RPE65: variants seen among roughly 807,000 people sequenced by gnomAD.
The protein encoded by RPE65 is retinoid isomerohydrolase.
Under a neutral mutation model 68.5 loss-of-function variants are expected in RPE65, and 58 were observed. The ratio of observed to expected loss-of-function variants is 0.85; its 90% confidence interval spans 0.69 to 1.05. The LOEUF (loss-of-function observed/expected upper bound fraction) is 1.05, where lower values mean the gene tolerates loss of function less well. Among genes scored for constraint, RPE65 ranks in the 50% least tolerant of loss-of-function variants. The probability of loss-of-function intolerance (pLI) is 0.00; values close to 1 mark genes in which losing one functional copy is unlikely to be tolerated. For missense variants in RPE65, 643 were observed against 629.9 expected (o/e 1.02, Z -0.22); for synonymous variants, 220 against 222.2 (o/e 0.99, Z 0.09).
rs1309759632 is a variant in RPE65 at position 68,444,863 on chromosome 1, T to A, written c.266A>T (p.Tyr89Phe). 3.1e-6 allele frequency: 5 copies of A among 1,614,114 alleles called. No individual in the cohort carries two copies. Among genetic ancestry groups the A allele is most frequent in the Admixed American group, 3.3e-5 (2 of 60,016 alleles). ...YHRRFIRTDAYVRAMTEKRIV... is the reference protein window; with the variant it reads ...YHRRFIRTDAFVRAMTEKRIV... ...CCTTTTCTCAGTCATTGCCCGTACG[T>A]AAGCATCAGTGCGGATGAACCTGAA... The change falls in exon 4 of 14, where the codon TAC (tyrosine) becomes TTC (phenylalanine). Residue 89 changes from tyrosine to phenylalanine, a missense_variant. Tyr to Phe is a conservative substitution (Grantham distance 22). Transcript: ENST00000262340.
At position 68,431,589 on chromosome 1, in the gene RPE65, G is replaced by C. The variant is rs746172764; in HGVS notation, c.1129-4C>G. The C allele has an allele frequency of 6.2e-7, 1 of 1,611,854 alleles. No individual in the cohort carries two copies. Among genetic ancestry groups the C allele is most frequent in the Admixed American group, 1.7e-5 (1 of 59,914 alleles). ...CTAAATTCTTGCCTGTGTCAGCCTA[G>C]GAGAGAAGATAACAGAAACCTCAGT... On this transcript the variant is annotated splice_polypyrimidine_tract_variant and splice_region_variant and intron_variant, in intron 10 of 13. Coordinates refer to ENST00000262340, the MANE Select transcript of RPE65 (RefSeq NM_000329.3).
At chr1:68,441,172 AG>A (rs1645900027) in intron 5 of RPE65, among the ~76,000 whole-genome samples, 172 bp from the exon 6 acceptor site, 1 of 152,122 alleles carries the variant, frequency 6.6e-6, no homozygotes, top group South Asian at 2.1e-4. Context: ...ACCTTCATGC[AG>A]AACATAATGC....
chr1:68,429,667 A>T lies in RPE65; in HGVS notation c.*109T>A. On this transcript the variant is annotated 3_prime_UTR_variant, in exon 14 of 14. Coordinates refer to ENST00000262340, the MANE Select transcript of RPE65 (RefSeq NM_000329.3). Reference sequence around the variant, plus strand: ...ACATTGCAAAATTGTGCGCATCTGCAAGTTAAAACCATGACATATAGCAGG... The same window carrying T: ...ACATTGCAAAATTGTGCGCATCTGCTAGTTAAAACCATGACATATAGCAGG... 7.3e-7 allele frequency: 1 copy of T among 1,370,832 alleles called. No homozygotes were observed. 84.9% of individuals were successfully genotyped at this position (1,370,832 alleles called of 1,614,324 possible).
At position 68,429,621 on chromosome 1, in the gene RPE65, C is replaced by G; in HGVS notation, c.*155G>C. On this transcript the variant is annotated 3_prime_UTR_variant, in exon 14 of 14. Transcript: ENST00000262340. ...TTTTTAAATAAAGGAATTGCTTGCTCAACTCAGTGCTTTCTGTAAAACATT... is the reference window on the plus strand; with the variant it reads ...TTTTTAAATAAAGGAATTGCTTGCTGAACTCAGTGCTTTCTGTAAAACATT... 1.3e-6 allele frequency: 1 copy of G among 783,262 alleles called. No homozygotes were observed. The highest frequency in any genetic ancestry group is 2.1e-6 in the Non-Finnish European group (1 of 480,874). 48.5% of individuals were successfully genotyped at this position (783,262 alleles called of 1,614,324 possible).
At chr1:68,448,739 T>C in intron 1 of RPE65, 33 bp from the exon 2 acceptor site, 1 of 1,592,698 alleles carries the variant, frequency 6.3e-7, no homozygotes, top group Non-Finnish European at 8.6e-7. Context: ...AAGAAGCCCA[T>C]GTTGATGCTC....
At chr1:68,430,432 G>T (rs147404786) in intron 13 of RPE65, among the ~76,000 whole-genome samples, 1 of 152,270 alleles carries the variant, frequency 6.6e-6, no homozygotes, top group South Asian at 2.1e-4. Flanking sequence ...TTACAGCTTC[G>T]ACTGGATATA....
At position 68,439,562 on chromosome 1, in the gene RPE65, T is replaced by C. The variant is rs1424252299; in HGVS notation, c.724A>G (p.Ser242Gly). 3 of 1,613,826 alleles carry C rather than the reference T, an allele frequency of 1.9e-6. No individual in the cohort carries two copies. Among genetic ancestry groups the C allele is most frequent in the Non-Finnish European group, 2.5e-6 (3 of 1,179,672 alleles). Reference protein sequence around the residue: ...SDRFKPSYVHSFGLTPNYIVF... With the variant: ...SDRFKPSYVHGFGLTPNYIVF... ...ATTCATAGCAGGCCTTCAAGTTACCTATGAACGTAAGATGGCTTGAATCGG... is the reference window on the plus strand; with the variant it reads ...ATTCATAGCAGGCCTTCAAGTTACCCATGAACGTAAGATGGCTTGAATCGG... The change falls in exon 7 of 14, where the codon AGT becomes GGT. Residue 242 changes from serine (S) to glycine (G), a missense_variant and splice_region_variant. Ser to Gly is a moderately conservative substitution (Grantham distance 56). Transcript: ENST00000262340.
Position 68,429,764 on chromosome 1 carries a change from G to A in RPE65, c.*12C>T, listed in dbSNP as rs750954616. The A allele has an allele frequency of 6.2e-7, 1 of 1,613,310 alleles. No homozygotes were observed. Among genetic ancestry groups the A allele is most frequent in the Non-Finnish European group, 8.5e-7 (1 of 1,179,524 alleles). On this transcript the variant is annotated 3_prime_UTR_variant, in exon 14 of 14. Coordinates refer to ENST00000262340, the MANE Select transcript of RPE65 (RefSeq NM_000329.3). ...AGTTTTGCTACCAAAAACATATCTT[G>A]CTGGAGTATGCTCAAGATTTTTTGA...
chr1:68,438,983 T>C lies in RPE65; in HGVS notation c.957A>G (p.Glu319=), dbSNP rs753954638. 1.4e-5 allele frequency: 22 copies of C among 1,613,992 alleles called. No homozygotes were observed. The highest frequency in any genetic ancestry group is 1.7e-5 in the Non-Finnish European group (20 of 1,179,976). ...GATCCACAATCAGAAACCCATTGTC[T>C]TCATAGGTGTTGATGTGATGGAAGA... ...FNLFHHINTY[E]DNGFLIVDLC... The change falls in exon 9 of 14, where the codon GAA becomes GAG. Residue 319 remains glutamate, a synonymous_variant. Transcript: ENST00000262340.
intron 5 of RPE65, among the ~76,000 whole-genome samples, chr1:68,443,082 A>T (rs897160076): frequency 6.6e-6 from 1 of 152,120 alleles, no homozygotes; most frequent in Non-Finnish European, 1.5e-5. Context: ...CTGAAAATAT[A>T]GCCCTACTCA....
At chr1:68,434,823 A>C (rs1397309904) in intron 10 of RPE65, among the ~76,000 whole-genome samples, 2 of 152,020 alleles carry the variant, frequency 1.3e-5, no homozygotes, top group Non-Finnish European at 2.9e-5. Context: ...GCTGGACTGC[A>C]ATGGCATGTA....
At position 68,429,109 on chromosome 1, in the gene RPE65, T is replaced by C; in HGVS notation, c.*667A>G. On this transcript the variant is annotated 3_prime_UTR_variant, in exon 14 of 14. Transcript: ENST00000262340. ...GCTTTTATGTTACATAAGCTTTTAATATATAACTTAATCTCTGAGATGTTA... is the reference window on the plus strand; with the variant it reads ...GCTTTTATGTTACATAAGCTTTTAACATATAACTTAATCTCTGAGATGTTA... The C allele has an allele frequency of 6.6e-6, 1 of 152,290 alleles. No homozygotes were observed. The highest frequency in any genetic ancestry group is 1.9e-4 in the East Asian group (1 of 5,200). The allele number at this position is 152,290 out of a possible 1,614,324, so 9.4% of individuals were successfully genotyped here.
At chr1:68,434,850 A>G (rs1440830448) in intron 10 of RPE65, among the ~76,000 whole-genome samples, 12 of 151,886 alleles carry the variant, frequency 7.9e-5, no homozygotes, top group Admixed American at 7.9e-4. Flanking sequence ...TGTAACTTTG[A>G]ACTCCTGGAC....
intron 5 of RPE65, 80 bp downstream of exon 5, chr1:68,444,451 G>A (rs1223619994): frequency 1.9e-5 from 29 of 1,534,572 alleles, no homozygotes; most frequent in East Asian, 1.6e-4. Flanking sequence ...TCATACATTC[G>A]CAGCATGAAT....
At chr1:68,448,799 G>T in intron 1 of RPE65, 93 bp from the exon 2 acceptor site, 1 of 892,690 alleles carries the variant, frequency 1.1e-6, no homozygotes, top group Non-Finnish European at 1.7e-6. Context: ...GCACTCTAGG[G>T]CTGGCTCAAA....
chr1:68,436,787 G>A (rs1408308518), intron 10 of RPE65, among the ~76,000 whole-genome samples: 1 of 152,002 alleles, frequency 6.6e-6, no homozygotes, highest in East Asian at 1.9e-4. Context: ...TTACTTCTAT[G>A]TTTTCAGTTC....
In RPE65 at chr1:68,439,337, C is replaced by A. The variant is rs1291596622; in HGVS notation, c.726-14G>T. 6.2e-7 allele frequency: 1 copy of A among 1,612,600 alleles called. No individual in the cohort carries two copies. Among genetic ancestry groups the A allele is most frequent in the South Asian group, 1.1e-5 (1 of 91,068 alleles). Reference sequence around the variant, plus strand: ...GTCAGACCAAAACTGTTCAGAAACACAAATGGGCTTGTGAATGAAAGGGCT... The same window carrying A: ...GTCAGACCAAAACTGTTCAGAAACAAAAATGGGCTTGTGAATGAAAGGGCT... On this transcript the variant is annotated splice_polypyrimidine_tract_variant and intron_variant, in intron 7 of 13. Coordinates refer to ENST00000262340, the MANE Select transcript of RPE65 (RefSeq NM_000329.3).
intron 6 of RPE65, 56 bp downstream of exon 6, chr1:68,440,797 A>C: frequency 6.3e-7 from 1 of 1,595,186 alleles, no homozygotes; most frequent in Non-Finnish European, 8.6e-7. Context: ...ACAATACAGT[A>C]ACTTTCTCAC....
intron 5 of RPE65, among the ~76,000 whole-genome samples, chr1:68,442,839 TAAAC>T (rs1160179456): frequency 2.0e-5 from 3 of 152,192 alleles, no homozygotes; most frequent in Admixed American, 6.5e-5. Context: ...ACACACAACA[TAAAC>T]AAGAAAGAGC....
Sources: allele counts gnomAD v4.1 joint callset (sites outside exome capture counted in the v4.1 genomes callset), GRCh38; gene constraint gnomAD v4.1.1; transcripts MANE v1.5; gene names NCBI Gene and HGNC (gene_info 2026-07-23, HGNC 2026-07-21).